SSH2: variants seen among roughly 807,000 people sequenced by gnomAD.
SSH2 encodes slingshot protein phosphatase 2, also known as protein phosphatase Slingshot homolog 2.
Under a neutral mutation model 135.2 loss-of-function variants are expected in SSH2, and 37 were observed. The ratio of observed to expected loss-of-function variants is 0.27; its 90% CI spans 0.21 to 0.36. The LOEUF (loss-of-function observed/expected upper bound fraction) is 0.36, where lower values mean the gene tolerates loss of function less well. Among genes scored for constraint, SSH2 ranks in the 10% least tolerant of loss-of-function variants. SSH2 has a pLI of 1.00. For synonymous variants in SSH2, 628 were observed against 646.2 expected (o/e 0.97, Z 0.43); for missense variants, 1,408 against 1,765.3 (o/e 0.80, Z 3.63).
chr17:29,842,668 T>G (rs1323015203), intron 2 of SSH2, among the ~76,000 whole-genome samples: 1 of 152,216 alleles, frequency 6.6e-6, no homozygotes, highest in Non-Finnish European at 1.5e-5. Flanking sequence ...AGCTATGCTT[T>G]CTTACATCTT....
chr17:29,630,108 A>G lies in SSH2; in HGVS notation c.*733T>C, dbSNP rs1163030589. 2 of 152,178 alleles carry G rather than the reference A, an allele frequency of 1.3e-5. No individual in the cohort carries two copies. Among genetic ancestry groups the G allele is most frequent in the Admixed American group, 1.3e-4 (2 of 15,274 alleles). 9.4% of individuals were successfully genotyped at this position (152,178 alleles called of 1,614,324 possible). On this transcript the variant is annotated 3_prime_UTR_variant, in exon 16 of 16. Transcript: ENST00000540801. ...CTGGGCAGCAGCCTCTCCACCCCCA[A>G]CTTTATGTCTTCCTCCTCTTATCAT...
At chr17:29,711,429 G>C (rs918647750) in intron 3 of SSH2, among the ~76,000 whole-genome samples, 3 of 152,130 alleles carry the variant, frequency 2.0e-5, no homozygotes, top group Non-Finnish European at 4.4e-5. Flanking sequence ...TTACTGATAC[G>C]ATCTTCTAAT....
intron 3 of SSH2, among the ~76,000 whole-genome samples, chr17:29,760,523 A>G (rs2041257634): frequency 6.6e-6 from 1 of 152,174 alleles, no homozygotes; most frequent in Non-Finnish European, 1.5e-5. Context: ...AGAGACTTCA[A>G]AAACAGCGAC....
intron 1 of SSH2, among the ~76,000 whole-genome samples, chr17:29,880,027 A>C (rs1475345351): frequency 6.6e-6 from 1 of 152,246 alleles, no homozygotes; most frequent in African/African-American, 2.4e-5. Flanking sequence ...TATACTGTAT[A>C]CACATGCTGC....
At chr17:29,855,176 T>G (rs16965255) in intron 1 of SSH2, among the ~76,000 whole-genome samples, 1 of 151,782 alleles carries the variant, frequency 6.6e-6, no homozygotes, top group Non-Finnish European at 1.5e-5. Flanking sequence ...ACATTGCAGG[T>G]GTACTTAAAA....
chr17:29,926,518 C>T (rs574184840), intron 1 of SSH2, among the ~76,000 whole-genome samples: 4 of 151,176 alleles, frequency 2.6e-5, no homozygotes, highest in African/African-American at 9.7e-5. Flanking sequence ...TGTGCTGCTG[C>T]ACTCCAGCCT....
chr17:29,663,516 C>G (rs970924552), intron 11 of SSH2, among the ~76,000 whole-genome samples: 2 of 152,190 alleles, frequency 1.3e-5, no homozygotes, highest in Admixed American at 1.3e-4. Flanking sequence ...CATGCATTTA[C>G]TTTGTTAAGT....
At chr17:29,767,457 T>C (rs566259883) in intron 3 of SSH2, among the ~76,000 whole-genome samples, 2 of 152,028 alleles carry the variant, frequency 1.3e-5, no homozygotes. Flanking sequence ...TAACACATGC[T>C]GAATGCTTAA....
intron 9 of SSH2, among the ~76,000 whole-genome samples, chr17:29,669,638 A>G (rs1447195731): frequency 6.6e-6 from 1 of 152,200 alleles, no homozygotes; most frequent in Non-Finnish European, 1.5e-5. Context: ...AGAGATAATT[A>G]TTAACACTCT....
intron 12 of SSH2, among the ~76,000 whole-genome samples, chr17:29,654,393 C>G (rs2036701248): frequency 6.6e-6 from 1 of 151,386 alleles, no homozygotes; most frequent in African/African-American, 2.4e-5. Context: ...TGGCTTAAGT[C>G]CTGTTCCAAG....
chr17:29,864,808 G>A (rs2065827209), intron 1 of SSH2, among the ~76,000 whole-genome samples: 1 of 152,118 alleles, frequency 6.6e-6, no homozygotes, highest in South Asian at 2.1e-4. Context: ...GATTCTCAGT[G>A]TGGTCTCCAG....
At chr17:29,886,640 G>A (rs1030932459) in intron 1 of SSH2, among the ~76,000 whole-genome samples, 4 of 151,694 alleles carry the variant, frequency 2.6e-5, no homozygotes, top group African/African-American at 4.8e-5. Flanking sequence ...CCAACTACTC[G>A]GGAGGCTGAG....
intron 3 of SSH2, among the ~76,000 whole-genome samples, chr17:29,711,010 T>A (rs867726034): frequency 6.6e-6 from 1 of 152,192 alleles, no homozygotes; most frequent in African/African-American, 2.4e-5. Flanking sequence ...CCTGAGGGCA[T>A]TGACTTCCCA....
chr17:29,764,955 A>C (rs578230981), intron 3 of SSH2, among the ~76,000 whole-genome samples: 1 of 152,302 alleles, frequency 6.6e-6, no homozygotes, highest in South Asian at 2.1e-4. Flanking sequence ...GGATGTAGTA[A>C]ATATGTTTTT....
At chr17:29,813,017 C>T (rs1378434334) in intron 2 of SSH2, among the ~76,000 whole-genome samples, 2 of 152,114 alleles carry the variant, frequency 1.3e-5, no homozygotes, top group Non-Finnish European at 1.5e-5. Flanking sequence ...AAAAGATTTT[C>T]ACCGTATATA....
intron 3 of SSH2, among the ~76,000 whole-genome samples, chr17:29,791,689 A>T (rs2042067975): frequency 6.6e-6 from 1 of 152,216 alleles, no homozygotes; most frequent in African/African-American, 2.4e-5. Flanking sequence ...GAGTCGGACT[A>T]AAGCCTTTAG....
intron 1 of SSH2, among the ~76,000 whole-genome samples, chr17:29,881,087 AGAG>A (rs1169136540): frequency 2.0e-5 from 3 of 152,260 alleles, no homozygotes. Context: ...TAAAAGATAC[AGAG>A]TAGTATCTGT....
intron 3 of SSH2, among the ~76,000 whole-genome samples, chr17:29,730,195 G>T (rs1598892336): frequency 6.6e-6 from 1 of 151,578 alleles, no homozygotes; most frequent in African/African-American, 2.4e-5. Context: ...GGTTGCACGT[G>T]CCTGTGGTCC....
chr17:29,736,364 T>G (rs2151196635), intron 3 of SSH2, among the ~76,000 whole-genome samples: 1 of 152,346 alleles, frequency 6.6e-6, no homozygotes, highest in South Asian at 2.1e-4. Flanking sequence ...GTGAGAAATC[T>G]AAGATCTTAT....
Sources: gnomAD v4.1 joint callset for allele counts (sites outside exome capture counted in the v4.1 genomes callset) on GRCh38, gnomAD v4.1.1 for gene constraint, MANE v1.5 for transcripts, NCBI Gene and HGNC (gene_info 2026-07-23, HGNC 2026-07-21) for gene names.